RRM2: variants seen among roughly 807,000 people sequenced by gnomAD.
RRM2 encodes the protein ribonucleoside-diphosphate reductase subunit M2.
Under a neutral mutation model 45.9 loss-of-function variants are expected in RRM2, and 6 were observed. That is an observed-to-expected ratio of 0.13 (90% CI 0.07 to 0.26). The LOEUF is 0.26. RRM2 is among the 10% of genes least tolerant of loss of function. The probability of loss-of-function intolerance (pLI) is 1.00; values close to 1 mark genes in which losing one functional copy is unlikely to be tolerated. For missense variants in RRM2, 343 were observed against 489.5 expected (o/e 0.70, Z 2.82); for synonymous variants, 177 against 173.0 (o/e 1.02, Z -0.18).
At position 10,149,649 on chromosome 2, in the gene RRM2, C is replaced by T. The variant is rs192872122; in HGVS notation, n.482+7274C>T. 4.5e-3 allele frequency among the ~76,000 whole-genome samples: 678 copies of T among 152,256 alleles called. 2 individuals carry two copies. The highest frequency in any genetic ancestry group is 6.8e-3 in the Middle Eastern group (2 of 294). ...TCTTTGGGCAAGGTAAGTTTTTCTT[C>T]AACCATCTATTTGCCAGAGGTTTGT... On this transcript the variant is annotated intron_variant and non_coding_transcript_variant, in intron 3 of 3. Transcript: ENST00000381786.
chr2:10,153,160 T>C (rs1315515819), intron 3 of RRM2, among the ~76,000 whole-genome samples: 1 of 151,962 alleles, frequency 6.6e-6, no homozygotes, highest in Non-Finnish European at 1.5e-5. Flanking sequence ...TGTGAAATCC[T>C]GTCTCTACCA....
At chr2:10,200,940 A>G (rs1411536417) in intron 3 of RRM2, among the ~76,000 whole-genome samples, 1 of 152,196 alleles carries the variant, frequency 6.6e-6, no homozygotes, top group African/African-American at 2.4e-5. Context: ...TGATGTCAGG[A>G]GTTCAAGACC....
chr2:10,124,233 G>T, intron 4 of RRM2: 1 of 257,370 alleles, frequency 3.9e-6, no homozygotes, highest in Non-Finnish European at 7.6e-6. Flanking sequence ...AGCCTCATGA[G>T]TACCTGGGAT....
chr2:10,147,691 A>C (rs1233385939), intron 3 of RRM2, among the ~76,000 whole-genome samples: 1 of 152,240 alleles, frequency 6.6e-6, no homozygotes, highest in Non-Finnish European at 1.5e-5. Context: ...GTTTCCTACT[A>C]AAAACACTTA....
chr2:10,125,692 A>G (rs1662764198), intron 5 of RRM2, among the ~76,000 whole-genome samples: 1 of 152,208 alleles, frequency 6.6e-6, no homozygotes, highest in Non-Finnish European at 1.5e-5. Flanking sequence ...CAAGCAAAAA[A>G]AACAAAGGTC....
intron 3 of RRM2, among the ~76,000 whole-genome samples, chr2:10,180,288 A>G (rs993153276): frequency 6.6e-6 from 1 of 152,220 alleles, no homozygotes; most frequent in African/African-American, 2.4e-5. Context: ...CCAGCAGAAA[A>G]TAACTTCGCT....
At chr2:10,203,388 C>T (rs187260707) in intron 3 of RRM2, among the ~76,000 whole-genome samples, 3 of 152,282 alleles carry the variant, frequency 2.0e-5, no homozygotes, top group African/African-American at 7.2e-5. Context: ...GTTTCCTCAA[C>T]CATTAAGTGG....
chr2:10,158,844 C>A (rs927003497), intron 3 of RRM2, among the ~76,000 whole-genome samples: 1 of 152,064 alleles, frequency 6.6e-6, no homozygotes, highest in African/African-American at 2.4e-5. Context: ...CTCCCGGGAG[C>A]TCGGGGTTGG....
intron 3 of RRM2, among the ~76,000 whole-genome samples, chr2:10,143,631 C>T (rs1469026267): frequency 6.6e-6 from 1 of 152,136 alleles, no homozygotes; most frequent in African/African-American, 2.4e-5. Context: ...AGTCCCTGGC[C>T]CCCAGAGTGG....
chr2:10,181,536 C>T (rs1358109324), intron 3 of RRM2, among the ~76,000 whole-genome samples: 1 of 152,096 alleles, frequency 6.6e-6, no homozygotes, highest in Non-Finnish European at 1.5e-5. Flanking sequence ...AATCATTCCT[C>T]CTTTCTCCAG....
downstream of RRM2, chr2:10,131,555 A>G (rs987363336): frequency 2.6e-5 from 4 of 152,186 alleles, no homozygotes; most frequent in Non-Finnish European, 4.4e-5. Context: ...CCTGGCCAAC[A>G]TGGTGACACC....
chr2:10,199,326 A>C (rs978374729), intron 3 of RRM2: 2 of 152,074 alleles, frequency 1.3e-5, no homozygotes, highest in African/African-American at 4.8e-5. Flanking sequence ...AAAATTGAAA[A>C]CATTATTTTG....
At chr2:10,209,931 C>T (rs1558410126) in intron 3 of RRM2, among the ~76,000 whole-genome samples, 1 of 152,206 alleles carries the variant, frequency 6.6e-6, no homozygotes, top group Non-Finnish European at 1.5e-5. Flanking sequence ...CTGTGCCACT[C>T]GGCTCTGCTG....
At chr2:10,181,294 G>T (rs1478553437) in intron 3 of RRM2, among the ~76,000 whole-genome samples, 1 of 148,904 alleles carries the variant, frequency 6.7e-6, no homozygotes, top group Non-Finnish European at 1.5e-5. Flanking sequence ...GCAGCATATT[G>T]CAATTTGCCT....
In RRM2 at chr2:10,157,529, C is replaced by T. The variant is rs373124386; in HGVS notation, n.482+15154C>T. ...CCACACTAAGGCGCCTCCATCTCCA[C>T]TTCCATCCCCAGAGATGGCCGCTGC... On this transcript the variant is annotated intron_variant and non_coding_transcript_variant, in intron 3 of 3. Coordinates refer to the RRM2 transcript ENST00000381786. Among the ~76,000 whole-genome samples, 14 of 152,342 alleles carry T rather than the reference C, an allele frequency of 9.2e-5. 1 individual carries two copies. The highest frequency in any genetic ancestry group is 5.9e-4 in the Admixed American group (9 of 15,308).
downstream of RRM2, among the ~76,000 whole-genome samples, chr2:10,133,043 C>G (rs1489558697): frequency 6.6e-6 from 1 of 152,168 alleles, no homozygotes; most frequent in Non-Finnish European, 1.5e-5. Flanking sequence ...AACCAGGGAC[C>G]CTGTAATCTT....
chr2:10,203,697 G>T (rs532847076), intron 3 of RRM2, among the ~76,000 whole-genome samples: 1 of 152,254 alleles, frequency 6.6e-6, no homozygotes, highest in Admixed American at 6.5e-5. Flanking sequence ...GTTGCAGTGA[G>T]CAGAGATTGT....
At chr2:10,184,244 C>A (rs1664119676) in intron 3 of RRM2, among the ~76,000 whole-genome samples, 1 of 152,152 alleles carries the variant, frequency 6.6e-6, no homozygotes, top group Non-Finnish European at 1.5e-5. Context: ...CCAGCACCGG[C>A]CTGGTAGTTT....
At chr2:10,157,185 C>T (rs182390122) in intron 3 of RRM2, among the ~76,000 whole-genome samples, 1,574 of 152,102 alleles carry the variant, frequency 0.01, 10 homozygotes, top group Non-Finnish European at 0.017. Flanking sequence ...CCCGCCACCG[C>T]GCCCGGCTAA....
Sources: allele counts gnomAD v4.1 joint callset (sites outside exome capture counted in the v4.1 genomes callset), GRCh38; gene constraint gnomAD v4.1.1; transcripts MANE v1.5; gene names NCBI Gene and HGNC (gene_info 2026-07-23, HGNC 2026-07-21).